TMPRSS7: variants seen among roughly 807,000 people sequenced by gnomAD.
TMPRSS7 encodes transmembrane protease serine 7.
In TMPRSS7, 81 loss-of-function variants were observed where a neutral mutation model predicts 95.6. The ratio of observed to expected loss-of-function variants is 0.85; its 90% CI spans 0.71 to 1.02. The LOEUF is 1.02. TMPRSS7 is among the 50% of genes least tolerant of loss of function. TMPRSS7 has a pLI of 0.00. For synonymous variants in TMPRSS7, 364 were observed against 337.8 expected (o/e 1.08, Z -0.85); for missense variants, 945 against 955.2 (o/e 0.99, Z 0.14).
intron 7 of TMPRSS7, among the ~76,000 whole-genome samples, chr3:112,049,378 G>A (rs142772736): frequency 6.6e-6 from 1 of 152,068 alleles, no homozygotes; most frequent in Non-Finnish European, 1.5e-5. Flanking sequence ...TCAGTTCTTT[G>A]TTTAAAATGC....
At position 112,057,146 on chromosome 3, in the gene TMPRSS7, T is replaced by C. The variant is rs756751319; in HGVS notation, c.1310+15T>C. ...AATGAGCACATGTAAGTGATTTTCA[T>C]ATGTTTTCATATGTGAGGCATCTGA... is the stretch of plus-strand genomic sequence containing the variant. On this transcript the variant is annotated intron_variant, in intron 10 of 17. Coordinates refer to ENST00000452346, the Ensembl canonical transcript of TMPRSS7. 2 of 1,546,358 alleles carry C rather than the reference T, an allele frequency of 1.3e-6. No individual in the cohort carries two copies. Among genetic ancestry groups the C allele is most frequent in the Non-Finnish European group, 1.8e-6 (2 of 1,121,744 alleles).
At chr3:112,078,692 C>A in intron 16 of TMPRSS7, 50 bp from the exon 17 acceptor site, 1 of 1,609,502 alleles carries the variant, frequency 6.2e-7, no homozygotes, top group Non-Finnish European at 8.5e-7. Context: ...GTCCTGAATA[C>A]ATGCGGCCAT....
At chr3:112,077,060 C>G in exon 16 of TMPRSS7, 1 of 1,614,164 alleles carries the variant, frequency 6.2e-7, no homozygotes, top group Non-Finnish European at 8.5e-7. Flanking sequence ...GCTCATTCAG[C>G]CAATATGCAT....
intron 15 of TMPRSS7, among the ~76,000 whole-genome samples, chr3:112,075,822 C>A (rs2073705336): frequency 6.6e-6 from 1 of 152,042 alleles, no homozygotes; most frequent in South Asian, 2.1e-4. Context: ...GAATGGAGGT[C>A]CCCAATGGGA....
intron 16 of TMPRSS7, 130 bp from the exon 17 acceptor site, chr3:112,078,612 A>G: frequency 8.2e-7 from 1 of 1,216,452 alleles, no homozygotes; most frequent in Non-Finnish European, 1.1e-6. Flanking sequence ...GGATAATAGT[A>G]GAATTTACCT....
At chr3:112,051,699 A>G (rs892741363) in intron 9 of TMPRSS7, among the ~76,000 whole-genome samples, 10 of 131,616 alleles carry the variant, frequency 7.6e-5, no homozygotes, top group South Asian at 2.4e-4. Context: ...ATCTATCTCT[A>G]TTACCTATCT....
At chr3:112,062,870 GATGA>G (rs2073527754) in intron 11 of TMPRSS7, among the ~76,000 whole-genome samples, 1 of 152,100 alleles carries the variant, frequency 6.6e-6, no homozygotes, top group African/African-American at 2.4e-5. Context: ...ACGAACTCAG[GATGA>G]ATGATTCAAG....
At chr3:112,070,856 C>T (rs1033705266) in intron 13 of TMPRSS7, among the ~76,000 whole-genome samples, 1 of 152,150 alleles carries the variant, frequency 6.6e-6, no homozygotes, top group African/African-American at 2.4e-5. Context: ...TATACATGTG[C>T]CATGTTGGTG....
At chr3:112,060,067 A>C (rs1051508342) in intron 10 of TMPRSS7, among the ~76,000 whole-genome samples, 1 of 152,184 alleles carries the variant, frequency 6.6e-6, no homozygotes, top group African/African-American at 2.4e-5. Flanking sequence ...GAGACATCAC[A>C]TGTTGGTAGA....
In TMPRSS7 at chr3:112,047,916, C is replaced by A. The variant is rs765369377; in HGVS notation, c.908C>A (p.Ser303Tyr). 2.3e-5 allele frequency: 37 copies of A among 1,613,948 alleles called. No homozygotes were observed. In the South Asian group the frequency reaches 4.1e-4, roughly 18 times the overall value. Reference sequence around the variant, plus strand: ...GAAGCCGACAACTGTGTCACTGACTCCCTGACCATTTACGACTCCCTTTTG... The same window carrying A: ...GAAGCCGACAACTGTGTCACTGACTACCTGACCATTTACGACTCCCTTTTG... Residue 303 changes from serine to tyrosine, a missense_variant, in exon 7 of 18, where the codon TCC (serine) becomes TAC (tyrosine). Transcript: ENST00000452346.
At chr3:112,035,587 A>T (rs1327628476) in intron 1 of TMPRSS7, among the ~76,000 whole-genome samples, 2 of 152,246 alleles carry the variant, frequency 1.3e-5, no homozygotes, top group African/African-American at 2.4e-5. Context: ...TCTTAAGGAC[A>T]GTGCAAAAGA....
At position 112,075,358 on chromosome 3, in the gene TMPRSS7, C is replaced by T. The variant is rs746754375; in HGVS notation, c.1821C>T (p.Ile607=). The change falls in exon 15 of 18, where the codon ATC becomes ATT. Residue 607 remains isoleucine (I), a synonymous_variant. Coordinates refer to ENST00000452346, the Ensembl canonical transcript of TMPRSS7. ...GTTCCTCCGCCCTTCACCGCATCAT[C>T]GGAGGCACAGACACCCTGGAGGGGG... The T allele has an allele frequency of 2.4e-5, 36 of 1,475,210 alleles. No individual in the cohort carries two copies. The Admixed American group carries it at 5.3e-4, about 22-fold the overall frequency. 91.4% of individuals were successfully genotyped at this position (1,475,210 alleles called of 1,614,324 possible).
At chr3:112,046,016 C>T in intron 5 of TMPRSS7, 73 bp downstream of exon 5, 2 of 1,288,808 alleles carry the variant, frequency 1.6e-6, no homozygotes, top group South Asian at 1.5e-5. Flanking sequence ...TTATAGTCAA[C>T]ATTGTAATGA....
chr3:112,066,829 C>G (rs1467377607), intron 13 of TMPRSS7, among the ~76,000 whole-genome samples: 23 of 150,182 alleles, frequency 1.5e-4, no homozygotes, highest in Non-Finnish European at 1.5e-5. Context: ...CACTTTTTTT[C>G]TTTCTTTTTA....
At chr3:112,075,381 G>C in exon 15 of TMPRSS7, 1 of 1,521,954 alleles carries the variant, frequency 6.6e-7, no homozygotes, top group African/African-American at 1.4e-5. Flanking sequence ...ACCCTGGAGG[G>C]GGGTTGGCCG....
intron 9 of TMPRSS7, among the ~76,000 whole-genome samples, chr3:112,051,654 A>C (rs2073357171): frequency 1.3e-5 from 1 of 78,536 alleles, no homozygotes; most frequent in South Asian, 4.9e-4. Flanking sequence ...CTATCTATCT[A>C]TCTATCTATC....
intron 2 of TMPRSS7, among the ~76,000 whole-genome samples, chr3:112,038,596 G>T (rs542840469): frequency 6.6e-6 from 1 of 152,036 alleles, no homozygotes; most frequent in East Asian, 1.9e-4. Context: ...TCAGCCTCCC[G>T]AGTAGCTGAG....
exon 16 of TMPRSS7, chr3:112,077,127 G>A: frequency 6.2e-7 from 1 of 1,614,060 alleles, no homozygotes; most frequent in Non-Finnish European, 8.5e-7. Flanking sequence ...ACTGGCTGGG[G>A]GCGAAGACAC....
intron 2 of TMPRSS7, among the ~76,000 whole-genome samples, chr3:112,038,599 T>C (rs1367107637): frequency 6.6e-6 from 1 of 151,906 alleles, no homozygotes; most frequent in Non-Finnish European, 1.5e-5. Context: ...GCCTCCCGAG[T>C]AGCTGAGACC....
Sources: gnomAD v4.1 joint callset for allele counts (sites outside exome capture counted in the v4.1 genomes callset) on GRCh38, gnomAD v4.1.1 for gene constraint, MANE v1.5 for transcripts, NCBI Gene and HGNC (gene_info 2026-07-23, HGNC 2026-07-21) for gene names.